The following AFF3 variants were observed in gnomAD, a reference collection of about 807,000 sequenced individuals.
The protein encoded by AFF3 is AF4/FMR2 family member 3.
In AFF3, 32 loss-of-function variants were observed where a neutral mutation model predicts 129.7. The ratio of observed to expected loss-of-function variants is 0.25; its 90% CI spans 0.19 to 0.33. The LOEUF (loss-of-function observed/expected upper bound fraction) is 0.33, where lower values mean the gene tolerates loss of function less well. Among genes scored for constraint, AFF3 ranks in the 10% least tolerant of loss-of-function variants. AFF3 has a pLI of 1.00. For synonymous variants in AFF3, 644 were observed against 635.4 expected, an observed-to-expected ratio of 1.01 and a Z score of -0.20; for missense variants, 1,373 against 1,592.0, an observed-to-expected ratio of 0.86 and a Z score of 2.34.
intron 13 of AFF3, among the ~76,000 whole-genome samples, chr2:99,632,517 A>G (rs1436235977): frequency 6.6e-6 from 1 of 152,104 alleles, no homozygotes; most frequent in African/African-American, 2.4e-5. Flanking sequence ...AGGGCATCAC[A>G]CGGGGAGTGG....
rs1228495065 is a variant in AFF3 at position 100,073,463 on chromosome 2, G to C, written c.53+30939C>G. 2.0e-5 allele frequency among the ~76,000 whole-genome samples: 3 copies of C among 152,178 alleles called. No individual in the cohort carries two copies. The East Asian group carries it at 5.8e-4, about 29-fold the overall frequency. ...CAGCCTTGCCAACACCTTCCTCTCA[G>C]CCTTCCAGCCCCCAGGACTGCCAGG... On this transcript the variant is annotated intron_variant, in intron 4 of 24. Coordinates refer to ENST00000672756, the MANE Select transcript of AFF3 (RefSeq NM_001386135.1).
chr2:99,618,412 T>C (rs918855902), intron 13 of AFF3, among the ~76,000 whole-genome samples: 2 of 151,816 alleles, frequency 1.3e-5, no homozygotes, highest in African/African-American at 4.8e-5. Context: ...ATTTTTGTAT[T>C]TTTAGTAAAG....
At chr2:100,083,419 C>G (rs1043368355) in intron 4 of AFF3, among the ~76,000 whole-genome samples, 1 of 152,298 alleles carries the variant, frequency 6.6e-6, no homozygotes, top group Middle Eastern at 3.4e-3. Context: ...TCACCGCAAG[C>G]CCCTGCTGGT....
chr2:99,937,466 T>C (rs1345485039), intron 7 of AFF3, among the ~76,000 whole-genome samples: 3 of 152,130 alleles, frequency 2.0e-5, no homozygotes, highest in African/African-American at 7.2e-5. Context: ...GTGAGCGATG[T>C]CAGCTCACTG....
At chr2:100,033,201 T>C (rs974133145) in intron 4 of AFF3, among the ~76,000 whole-genome samples, 3 of 152,132 alleles carry the variant, frequency 2.0e-5, no homozygotes, top group Non-Finnish European at 4.4e-5. Flanking sequence ...GAGGCCAATG[T>C]TGCAAAGAGC....
rs770793897 is a variant in AFF3, at chr2:99,551,256, T to A, written c.*218A>T. ...ATGGAAACTAGACAAAGAAGGTGTG[T>A]TCTGAAGAGCTGTGTATCTTACACA... On this transcript the variant is annotated 3_prime_UTR_variant, in exon 25 of 25. Coordinates refer to ENST00000672756, the MANE Select transcript of AFF3 (RefSeq NM_001386135.1). 8.1e-6 allele frequency: 5 copies of A among 614,880 alleles called. No homozygotes were observed. The highest frequency in any genetic ancestry group is 1.4e-5 in the Non-Finnish European group (5 of 357,562). 38.1% of individuals were successfully genotyped at this position (614,880 alleles called of 1,614,324 possible).
At chr2:99,986,640 A>G (rs1204938464) in intron 7 of AFF3, among the ~76,000 whole-genome samples, 1 of 152,342 alleles carries the variant, frequency 6.6e-6, no homozygotes, top group Non-Finnish European at 1.5e-5. Context: ...CATTTTAAAA[A>G]TGACTTATTA....
intron 18 of AFF3, chr2:99,572,477 T>C: frequency 2.5e-6 from 1 of 404,864 alleles, no homozygotes; most frequent in Non-Finnish European, 5.0e-6. Context: ...CTGTAATTCC[T>C]ACCTCTGTGA....
intron 15 of AFF3, among the ~76,000 whole-genome samples, chr2:99,588,378 A>C (rs991402793): frequency 3.9e-5 from 6 of 152,038 alleles, no homozygotes; most frequent in African/African-American, 1.4e-4. Context: ...GGGCTTTGCC[A>C]TGTTGCTCAG....
At chr2:100,018,910 C>A (rs1171517160) in intron 4 of AFF3, among the ~76,000 whole-genome samples, 2 of 152,188 alleles carry the variant, frequency 1.3e-5, no homozygotes, top group African/African-American at 4.8e-5. Flanking sequence ...TTTCCTCCAA[C>A]AAATGCTCAG....
intron 12 of AFF3, among the ~76,000 whole-genome samples, chr2:99,659,553 A>G (rs1316429569): frequency 6.6e-6 from 1 of 152,186 alleles, no homozygotes; most frequent in East Asian, 1.9e-4. Flanking sequence ...GGTCTTTTCT[A>G]GAGGTCTGTG....
intron 2 of AFF3, chr2:100,106,528 A>T (rs1454546652): frequency 1.0e-6 from 1 of 999,398 alleles, no homozygotes; most frequent in African/African-American, 1.7e-5. Context: ...AGATCGAGAC[A>T]TTGAGACAGC....
intron 20 of AFF3, among the ~76,000 whole-genome samples, chr2:99,563,143 G>A (rs1675626823): frequency 6.6e-6 from 1 of 152,070 alleles, no homozygotes; most frequent in Admixed American, 6.5e-5. Context: ...GGGGAGAGGA[G>A]GGTCAGGCAG....
intron 13 of AFF3, among the ~76,000 whole-genome samples, chr2:99,613,824 A>G (rs778065008): frequency 9.2e-5 from 14 of 152,158 alleles, no homozygotes; most frequent in Non-Finnish European, 1.9e-4. Flanking sequence ...CATCCTTGTT[A>G]TGTTCTGTTT....
chr2:99,882,586 G>A (rs1006514033), intron 7 of AFF3, among the ~76,000 whole-genome samples: 2 of 152,152 alleles, frequency 1.3e-5, no homozygotes, highest in African/African-American at 4.8e-5. Context: ...TCTAGAGAAG[G>A]GGCATCTCTC....
At chr2:100,007,702 G>A in intron 5 of AFF3, 1 of 508,030 alleles carries the variant, frequency 2.0e-6, no homozygotes. Context: ...CGGGCGCGGT[G>A]GCTGGCTCAT....
At chr2:99,993,080 GC>G (rs1385313508) in intron 7 of AFF3, among the ~76,000 whole-genome samples, 1 of 152,198 alleles carries the variant, frequency 6.6e-6, no homozygotes, top group South Asian at 2.1e-4. Flanking sequence ...CCTATAGGTG[GC>G]AGAGCAACAG....
chr2:99,643,872 C>T (rs1187976046), intron 13 of AFF3, among the ~76,000 whole-genome samples: 2 of 152,182 alleles, frequency 1.3e-5, no homozygotes, highest in East Asian at 3.8e-4. Context: ...TATATACTCC[C>T]TAATGGGCAA....
chr2:99,867,247 C>T (rs1424470712), intron 7 of AFF3, among the ~76,000 whole-genome samples: 2 of 151,902 alleles, frequency 1.3e-5, no homozygotes, highest in East Asian at 3.9e-4. Flanking sequence ...ACATAACTTC[C>T]CTAACTTGAT....
Sources: allele counts gnomAD v4.1 joint callset (sites outside exome capture counted in the v4.1 genomes callset), GRCh38; gene constraint gnomAD v4.1.1; transcripts MANE v1.5; gene names NCBI Gene and HGNC (gene_info 2026-07-23, HGNC 2026-07-21).